TSPAN15: variants seen among roughly 807,000 people sequenced by gnomAD.
TSPAN15 encodes the protein tetraspanin 15.
TSPAN15 carries 20 observed loss-of-function variants against 34.5 expected under a neutral mutation model. The ratio of observed to expected loss-of-function variants is 0.58; its 90% confidence interval spans 0.41 to 0.84. The LOEUF (loss-of-function observed/expected upper bound fraction) is 0.84. Ranked by LOEUF, TSPAN15 falls within the 40% of genes least tolerant of loss-of-function variation. The probability of loss-of-function intolerance (pLI) is 0.00; values close to 1 mark genes in which losing one functional copy is unlikely to be tolerated. For missense variants in TSPAN15, 313 were observed against 386.1 expected (o/e 0.81, Z 1.59); for synonymous variants, 155 against 153.9 (o/e 1.01, Z -0.05).
At chr10:69,525,069 C>G in the TSPAN15 span, among the ~76,000 whole-genome samples, 11 of 147,516 alleles carry the variant, frequency 7.5e-5, 2 homozygotes, top group South Asian at 1.7e-3. Flanking sequence ...GTGTGAGCCA[C>G]CGTGCCTGGC....
the TSPAN15 span, among the ~76,000 whole-genome samples, chr10:69,526,064 A>G: frequency 6.8e-6 from 1 of 146,850 alleles, no homozygotes; most frequent in Non-Finnish European, 1.5e-5. Flanking sequence ...TTCGCCCCCA[A>G]ACAAGCCCGG....
chr10:69,521,204 TG>T, the TSPAN15 span, among the ~76,000 whole-genome samples: 5 of 152,154 alleles, frequency 3.3e-5, no homozygotes, highest in Non-Finnish European at 1.5e-5. Context: ...TTTGAGTGCC[TG>T]AATAAAACAA....
At chr10:69,513,099 T>C in the TSPAN15 span, among the ~76,000 whole-genome samples, 17 of 152,354 alleles carry the variant, frequency 1.1e-4, no homozygotes, top group Admixed American at 3.3e-4. Flanking sequence ...CAGCAGTTGG[T>C]ATGGCCAGTT....
intron 3 of TSPAN15, chr10:69,494,952 C>A: frequency 1.2e-6 from 1 of 821,222 alleles, no homozygotes. Context: ...GGCGGCCTGC[C>A]ATGTTCCTCC....
intron 3 of TSPAN15, among the ~76,000 whole-genome samples, chr10:69,490,950 G>A (rs1654414689): frequency 1.3e-5 from 2 of 152,250 alleles, no homozygotes; most frequent in Non-Finnish European, 2.9e-5. Flanking sequence ...ACTTACAGCA[G>A]AGCGGTCGGC....
chr10:69,480,174 A>C (rs922933142), intron 1 of TSPAN15, among the ~76,000 whole-genome samples: 1 of 152,088 alleles, frequency 6.6e-6, no homozygotes, highest in Non-Finnish European at 1.5e-5. Context: ...TCTGCTCAGC[A>C]TTGGGGCCAG....
At position 69,451,519 on chromosome 10, in the gene TSPAN15, G is replaced by T. The variant is rs1193564525; in HGVS notation, c.-76G>T. On this transcript the variant is annotated 5_prime_UTR_variant, in exon 1 of 8. Coordinates refer to ENST00000373290, the MANE Select transcript of TSPAN15 (RefSeq NM_012339.5). ...GGCTGGTAGCCCGGCAGCCGCAGGT[G>T]GGGCCACGAGCGCTGGCTGAGGGAC... 1.6e-6 allele frequency: 2 copies of T among 1,280,010 alleles called. No individual in the cohort carries two copies. The highest frequency in any genetic ancestry group is 2.0e-6 in the Non-Finnish European group (2 of 1,011,300). 79.3% of individuals were successfully genotyped at this position (1,280,010 alleles called of 1,614,324 possible). A position where few individuals can be genotyped will look rare whatever the true frequency, so the allele number is the denominator to read the frequency against.
intron 5 of TSPAN15, among the ~76,000 whole-genome samples, chr10:69,500,068 G>T (rs1564615412): frequency 6.6e-6 from 1 of 152,140 alleles, no homozygotes; most frequent in East Asian, 1.9e-4. Context: ...CTGTTGTGAG[G>T]GACATGCTAG....
chr10:69,516,093 C>T, the TSPAN15 span, among the ~76,000 whole-genome samples: 2 of 152,290 alleles, frequency 1.3e-5, no homozygotes, highest in Admixed American at 6.5e-5. Context: ...AAACTGAGGC[C>T]GGATACTAAC....
intron 1 of TSPAN15, among the ~76,000 whole-genome samples, chr10:69,475,119 A>G (rs1285498038): frequency 6.6e-6 from 1 of 152,050 alleles, no homozygotes; most frequent in Non-Finnish European, 1.5e-5. Flanking sequence ...GTGAGGGAGA[A>G]AGAAAACCAG....
intron 5 of TSPAN15, among the ~76,000 whole-genome samples, chr10:69,501,933 A>G (rs1842217045): frequency 6.6e-6 from 1 of 152,112 alleles, no homozygotes. Context: ...CTAATGCCTG[A>G]TGATCTGAGG....
intron 1 of TSPAN15, among the ~76,000 whole-genome samples, chr10:69,466,387 C>A (rs994486415): frequency 1.2e-4 from 18 of 152,072 alleles, no homozygotes; most frequent in Non-Finnish European, 2.4e-4. Context: ...AGCATCCCCC[C>A]GCTGATTCCT....
At chr10:69,531,926 C>CA in the TSPAN15 span, among the ~76,000 whole-genome samples, 32 of 124,878 alleles carry the variant, frequency 2.6e-4, 1 homozygote, top group East Asian at 6.2e-3. Context: ...AACAAACAAA[C>CA]AAACAAAACA....
chr10:69,543,182 G>A, the TSPAN15 span, among the ~76,000 whole-genome samples: 1 of 152,118 alleles, frequency 6.6e-6, no homozygotes, highest in East Asian at 1.9e-4. Context: ...ATTCGTCTGT[G>A]GTTCAAGCTA....
At chr10:69,478,156 G>GT (rs1376157708) in intron 1 of TSPAN15, among the ~76,000 whole-genome samples, 3 of 135,046 alleles carry the variant, frequency 2.2e-5, no homozygotes, top group African/African-American at 1.2e-4. Context: ...AGGTGGCAGT[G>GT]TGCAGAGCAG....
chr10:69,512,990 A>C, the TSPAN15 span, among the ~76,000 whole-genome samples: 1 of 152,230 alleles, frequency 6.6e-6, no homozygotes, highest in South Asian at 2.1e-4. Context: ...CTATATGTTT[A>C]ACTTTTTAAG....
chr10:69,539,696 A>G, the TSPAN15 span, among the ~76,000 whole-genome samples: 2 of 152,258 alleles, frequency 1.3e-5, no homozygotes, highest in African/African-American at 2.4e-5. Context: ...GGCTGATTCC[A>G]TGGTGAGAGG....
the TSPAN15 span, among the ~76,000 whole-genome samples, chr10:69,518,058 C>A: frequency 6.6e-6 from 1 of 152,218 alleles, no homozygotes; most frequent in Admixed American, 6.5e-5. Flanking sequence ...TTGGCAAAGA[C>A]AGAATATGTG....
At chr10:69,454,714 G>C (rs35353201) in intron 1 of TSPAN15, among the ~76,000 whole-genome samples, 1 of 152,102 alleles carries the variant, frequency 6.6e-6, no homozygotes, top group South Asian at 2.1e-4. Flanking sequence ...CTACTTGGGA[G>C]GCTGAGGTAG....
Sources: gnomAD v4.1 joint callset for allele counts (sites outside exome capture counted in the v4.1 genomes callset) on GRCh38, gnomAD v4.1.1 for gene constraint, MANE v1.5 for transcripts, NCBI Gene and HGNC (gene_info 2026-07-23, HGNC 2026-07-21) for gene names.